GPR89B: variants seen among roughly 807,000 people sequenced by gnomAD.
GPR89B encodes the protein G protein-coupled receptor 89B.
In GPR89B, 25 loss-of-function variants were observed where a neutral mutation model predicts 52.4. The observed-to-expected ratio is 0.48, with a 90% CI of 0.35 to 0.67. The LOEUF (loss-of-function observed/expected upper bound fraction) is 0.67, where lower values mean the gene tolerates loss of function less well. Ranked by LOEUF, GPR89B falls within the 30% of genes least tolerant of loss-of-function variation. GPR89B has a pLI of 0.01. For synonymous variants in GPR89B, 52 were observed against 151.2 expected (o/e 0.34, Z 4.81); for missense variants, 146 against 450.2 (o/e 0.32, Z 6.11).
chr1:147,970,569 C>CTATATATATA (rs1295887286), intron 10 of GPR89B, among the ~76,000 whole-genome samples: 1 of 142,560 alleles, frequency 7.0e-6, no homozygotes, highest in Non-Finnish European at 1.5e-5. Flanking sequence ...CTCTCTCTCT[C>CTATATATATA]TATATATATA....
chr1:147,986,445 T>C (rs1476664824), intron 11 of GPR89B, 151 bp downstream of exon 11: 1 of 655,024 alleles, frequency 1.5e-6, no homozygotes, highest in Admixed American at 3.1e-5. Context: ...ACATGGAAAA[T>C]TTTTATATTT....
intron 7 of GPR89B, among the ~76,000 whole-genome samples, chr1:147,959,016 A>T (rs1307820499): frequency 8.5e-5 from 13 of 152,216 alleles, no homozygotes; most frequent in East Asian, 1.9e-4. Context: ...ACAAAATAAA[A>T]TTTTTTTTAA....
intron 10 of GPR89B, among the ~76,000 whole-genome samples, chr1:147,975,442 T>C (rs1657766915): frequency 6.7e-6 from 1 of 149,748 alleles, no homozygotes; most frequent in East Asian, 1.9e-4. Context: ...GATTTTCTAG[T>C]TGATTTGCAT....
the GPR89B span, among the ~76,000 whole-genome samples, chr1:148,002,125 C>T: frequency 6.6e-6 from 1 of 150,440 alleles, no homozygotes; most frequent in African/African-American, 2.5e-5. Flanking sequence ...ATAGATCTCT[C>T]AACTGTAATG....
the GPR89B span, chr1:148,014,397 G>A: frequency 6.6e-6 from 1 of 151,418 alleles, no homozygotes; most frequent in African/African-American, 2.5e-5. Context: ...CACATCGGCG[G>A]TGAGCCAAGG....
At chr1:147,991,901 C>CT (rs1407806154) in intron 12 of GPR89B, among the ~76,000 whole-genome samples, 3 of 151,782 alleles carry the variant, frequency 2.0e-5, no homozygotes, top group Admixed American at 1.3e-4. Context: ...CTAAAATTCT[C>CT]TTTTTTTGTT....
the GPR89B span, among the ~76,000 whole-genome samples, chr1:148,003,540 G>A: frequency 3.9e-5 from 6 of 151,960 alleles, no homozygotes; most frequent in Admixed American, 6.6e-5. Flanking sequence ...CCCTACCCCC[G>A]CCCCAGAGAG....
chr1:147,941,819 G>A (rs1654582062), intron 3 of GPR89B, among the ~76,000 whole-genome samples: 1 of 152,032 alleles, frequency 6.6e-6, no homozygotes, highest in African/African-American at 2.4e-5. Context: ...CAACTTTCTA[G>A]AATTCTATTT....
chr1:147,949,383 C>CG (rs1337613236), intron 5 of GPR89B, among the ~76,000 whole-genome samples: 2 of 142,796 alleles, frequency 1.4e-5, no homozygotes, highest in African/African-American at 5.4e-5. Context: ...GCTGGCTGGG[C>CG]GGGGGGCTGA....
chr1:148,005,687 G>A, the GPR89B span, among the ~76,000 whole-genome samples: 2 of 152,076 alleles, frequency 1.3e-5, no homozygotes, highest in South Asian at 4.1e-4. Context: ...CAAATTATAG[G>A]CTATGATGCA....
intron 5 of GPR89B, among the ~76,000 whole-genome samples, chr1:147,952,910 A>G (rs1249151489): frequency 2.0e-5 from 3 of 150,562 alleles, no homozygotes; most frequent in Non-Finnish European, 4.4e-5. Context: ...AAAGAGTATC[A>G]CCTTAGGGGA....
intron 10 of GPR89B, among the ~76,000 whole-genome samples, chr1:147,979,588 A>G (rs1248649401): frequency 6.6e-6 from 1 of 152,132 alleles, no homozygotes; most frequent in Non-Finnish European, 1.5e-5. Context: ...ATTGTTAATC[A>G]TGAAAAGGTG....
At chr1:148,012,788 T>C in the GPR89B span, among the ~76,000 whole-genome samples, 1 of 152,010 alleles carries the variant, frequency 6.6e-6, no homozygotes, top group Non-Finnish European at 1.5e-5. Flanking sequence ...CACTGAAGGC[T>C]TTGATTGCTG....
intron 6 of GPR89B, among the ~76,000 whole-genome samples, chr1:147,954,005 T>TA (rs1489707845): frequency 6.0e-5 from 9 of 150,982 alleles, no homozygotes; most frequent in Non-Finnish European, 8.8e-5. Flanking sequence ...TCTACACATG[T>TA]ATCCCAGAAC....
At chr1:147,971,739 C>A (rs1657486996) in intron 10 of GPR89B, among the ~76,000 whole-genome samples, 1 of 151,932 alleles carries the variant, frequency 6.6e-6, no homozygotes, top group Admixed American at 6.5e-5. Flanking sequence ...CTCAGCCTCC[C>A]AAAGTGCTGG....
rs587678742 is a variant in GPR89B at position 147,950,295 on chromosome 1, G to A, written c.416-3050G>A. On this transcript the variant is annotated intron_variant, in intron 5 of 13. Transcript: ENST00000314163. ...TAGAGGTGCTCCTCACATCCCAGACGGGGCGGCGGGGCAGAGGCGCTCCCC... is the reference window on the plus strand; with the variant it reads ...TAGAGGTGCTCCTCACATCCCAGACAGGGCGGCGGGGCAGAGGCGCTCCCC... Among the ~76,000 whole-genome samples, 370 of 151,812 alleles carry A rather than the reference G, an allele frequency of 2.4e-3. 4 individuals are homozygous for A. Among genetic ancestry groups the A allele is most frequent in the Middle Eastern group, 0.01 (3 of 290 alleles).
chr1:147,958,738 A>G (rs1656313764), intron 7 of GPR89B, among the ~76,000 whole-genome samples: 1 of 151,910 alleles, frequency 6.6e-6, no homozygotes, highest in East Asian at 1.9e-4. Context: ...TCTGATCTGT[A>G]CATACTATAG....
At chr1:148,002,347 A>G in the GPR89B span, among the ~76,000 whole-genome samples, 3 of 152,018 alleles carry the variant, frequency 2.0e-5, no homozygotes, top group South Asian at 4.1e-4. Context: ...TGCAGTTTGT[A>G]TTAGTTCCTG....
At chr1:148,000,787 A>C in the GPR89B span, among the ~76,000 whole-genome samples, 1 of 146,842 alleles carries the variant, frequency 6.8e-6, no homozygotes, top group African/African-American at 2.7e-5. Flanking sequence ...AAAAAAAAAA[A>C]AAAAAAAACA....
Sources: allele counts gnomAD v4.1 joint callset (sites outside exome capture counted in the v4.1 genomes callset), GRCh38; gene constraint gnomAD v4.1.1; transcripts MANE v1.5; gene names NCBI Gene and HGNC (gene_info 2026-07-23, HGNC 2026-07-21).